The following CCDC73 variants were observed in gnomAD, a reference collection of about 807,000 sequenced individuals.
CCDC73 encodes coiled-coil domain-containing protein 73.
In CCDC73, 95 loss-of-function variants were observed where a neutral mutation model predicts 116.5. That is an observed-to-expected ratio of 0.82 (90% CI 0.69 to 0.97). The LOEUF (loss-of-function observed/expected upper bound fraction) is 0.97. Among genes scored for constraint, CCDC73 ranks in the 50% least tolerant of loss-of-function variants. CCDC73 has a pLI of 0.00. For missense variants in CCDC73, 1,066 were observed against 1,206.8 expected, an observed-to-expected ratio of 0.88 and a Z score of 1.73; for synonymous variants, 398 against 401.3, an observed-to-expected ratio of 0.99 and a Z score of 0.10.
chr11:32,659,830 T>C (rs1202282184), intron 9 of CCDC73, among the ~76,000 whole-genome samples: 1 of 152,170 alleles, frequency 6.6e-6, no homozygotes, highest in Non-Finnish European at 1.5e-5. Flanking sequence ...CACTTTCCAT[T>C]CTTGGGCCTC....
At chr11:32,636,527 T>C (rs1855680328) in intron 13 of CCDC73, among the ~76,000 whole-genome samples, 1 of 152,150 alleles carries the variant, frequency 6.6e-6, no homozygotes, top group Non-Finnish European at 1.5e-5. Context: ...GCGAAAAATA[T>C]CCTTTTGTCA....
intron 5 of CCDC73, among the ~76,000 whole-genome samples, chr11:32,699,727 T>A (rs1849792112): frequency 6.6e-6 from 1 of 151,848 alleles, no homozygotes; most frequent in Admixed American, 6.6e-5. Context: ...CCGGGGCCTG[T>A]TGTGGGGTGG....
In CCDC73 at chr11:32,614,486, C is replaced by G; in HGVS notation, c.1832G>C (p.Arg611Pro). ...FKQFRLLPGTREHALEKEITN... is the reference protein window; with the variant it reads ...FKQFRLLPGTPEHALEKEITN... ...AATTTCCTTCTCTAGAGCATGTTCT[C>G]GAGTCCCTGGAAGCAATCTGAATTG... The change falls in exon 16 of 18, where the codon CGA becomes CCA. Residue 611 changes from arginine to proline, a missense_variant. Coordinates refer to ENST00000335185, the MANE Select transcript of CCDC73 (RefSeq NM_001008391.4). 6.2e-7 allele frequency: 1 copy of G among 1,613,186 alleles called. No homozygotes were observed. The highest frequency in any genetic ancestry group is 8.5e-7 in the Non-Finnish European group (1 of 1,179,452).
intron 2 of CCDC73, among the ~76,000 whole-genome samples, chr11:32,733,965 A>C (rs1021200493): frequency 2.0e-5 from 3 of 152,218 alleles, no homozygotes; most frequent in African/African-American, 7.2e-5. Flanking sequence ...CTCTTCAAAA[A>C]AATCAATGAA....
At chr11:32,735,896 A>G (rs1402661249) in intron 2 of CCDC73, among the ~76,000 whole-genome samples, 3 of 152,244 alleles carry the variant, frequency 2.0e-5, no homozygotes, top group African/African-American at 4.8e-5. Flanking sequence ...CCTGACAAAA[A>G]CAAGAAATGG....
At chr11:32,790,865 G>C (rs1360756110) in intron 1 of CCDC73, among the ~76,000 whole-genome samples, 1 of 152,020 alleles carries the variant, frequency 6.6e-6, no homozygotes, top group Non-Finnish European at 1.5e-5. Context: ...GAGACCTTTG[G>C]AACAGGTACA....
chr11:32,698,961 A>G (rs1306165721), intron 6 of CCDC73, among the ~76,000 whole-genome samples: 1 of 152,192 alleles, frequency 6.6e-6, no homozygotes, highest in Non-Finnish European at 1.5e-5. Context: ...ATCAGTCACA[A>G]TATATATGCC....
chr11:32,798,272 T>C (rs1850739988), upstream of CCDC73, among the ~76,000 whole-genome samples: 1 of 152,242 alleles, frequency 6.6e-6, no homozygotes, highest in Admixed American at 6.5e-5. Context: ...GCTTGGCCGA[T>C]AGTAAGCATT....
chr11:32,699,090 A>C (rs1305224295), intron 6 of CCDC73, among the ~76,000 whole-genome samples, 161 bp downstream of exon 6: 2 of 151,840 alleles, frequency 1.3e-5, no homozygotes, highest in Non-Finnish European at 2.9e-5. Context: ...AAGCAAAACT[A>C]AATTTAAAAC....
chr11:32,758,797 G>C (rs1363650269), intron 2 of CCDC73, among the ~76,000 whole-genome samples: 1 of 152,030 alleles, frequency 6.6e-6, no homozygotes, highest in African/African-American at 2.4e-5. Flanking sequence ...GTGACCAAAA[G>C]TTGTTTCACT....
chr11:32,661,700 A>G (rs932604495), intron 9 of CCDC73, among the ~76,000 whole-genome samples: 7 of 149,738 alleles, frequency 4.7e-5, no homozygotes, highest in Non-Finnish European at 8.9e-5. Flanking sequence ...TATTATTATT[A>G]TACTTTAAGT....
chr11:32,785,369 C>T (rs944078801), intron 1 of CCDC73, among the ~76,000 whole-genome samples: 1 of 152,082 alleles, frequency 6.6e-6, no homozygotes, highest in Admixed American at 6.6e-5. Context: ...GACAGCTTGA[C>T]AAGGTGAGAA....
chr11:32,651,861 G>T (rs1284157201), intron 12 of CCDC73, among the ~76,000 whole-genome samples: 1 of 152,122 alleles, frequency 6.6e-6, no homozygotes, highest in African/African-American at 2.4e-5. Flanking sequence ...CCTTTAGAAG[G>T]ATAGAAGTAT....
chr11:32,694,459 G>A (rs138724015), intron 6 of CCDC73, among the ~76,000 whole-genome samples: 6 of 152,206 alleles, frequency 3.9e-5, no homozygotes, highest in Admixed American at 1.3e-4. Context: ...CTTCCTTCCT[G>A]GGGGAGGAAT....
At chr11:32,676,714 G>A (rs1257959839) in intron 7 of CCDC73, among the ~76,000 whole-genome samples, 1 of 152,194 alleles carries the variant, frequency 6.6e-6, no homozygotes, top group African/African-American at 2.4e-5. Context: ...GAGGCTAGGA[G>A]TTTAAGGCTG....
At chr11:32,612,720 G>A (rs1016011895) in intron 16 of CCDC73, among the ~76,000 whole-genome samples, 1 of 151,882 alleles carries the variant, frequency 6.6e-6, no homozygotes, top group South Asian at 2.1e-4. Flanking sequence ...CTGGGTGACA[G>A]AGCAAGACTC....
intron 9 of CCDC73, among the ~76,000 whole-genome samples, chr11:32,673,628 T>G (rs1258258951): frequency 1.3e-5 from 2 of 152,160 alleles, no homozygotes; most frequent in Admixed American, 1.3e-4. Context: ...GTGAAACAAC[T>G]TTCTCTGTAC....
rs951133461 is a variant in CCDC73, at chr11:32,776,998, T to C, written c.-15-16740A>G. ...ATATATATATACACATGTATATATA[T>C]ATATATATATATATATATATATATA... On this transcript the variant is annotated intron_variant, in intron 1 of 17. Transcript: ENST00000335185. 4.0e-4 allele frequency among the ~76,000 whole-genome samples: 31 copies of C among 78,348 alleles called. 1 individual carries two copies. The highest frequency in any genetic ancestry group is 1.3e-3 in the Admixed American group (11 of 8,700). 51.4% of individuals were successfully genotyped at this position (78,348 alleles called of 152,430 possible). A position where few individuals can be genotyped will look rare whatever the true frequency, so the allele number is the denominator to read the frequency against.
chr11:32,695,080 G>A (rs1305742484), intron 6 of CCDC73, among the ~76,000 whole-genome samples: 1 of 152,148 alleles, frequency 6.6e-6, no homozygotes. Context: ...TTTTAAAAGA[G>A]CTTGCTGTCC....
Sources: gnomAD v4.1 joint callset for allele counts (sites outside exome capture counted in the v4.1 genomes callset) on GRCh38, gnomAD v4.1.1 for gene constraint, MANE v1.5 for transcripts, NCBI Gene and HGNC (gene_info 2026-07-23, HGNC 2026-07-21) for gene names.